The following AUTS2 variants were observed in gnomAD, a reference collection of about 807,000 sequenced individuals.
AUTS2 encodes activator of transcription and developmental regulator AUTS2.
A neutral mutation model predicts 112.4 loss-of-function variants in AUTS2; 17 were observed. The observed-to-expected ratio is 0.15, with a 90% CI of 0.10 to 0.23. AUTS2 has a LOEUF of 0.23. Among genes scored for constraint, AUTS2 ranks in the 10% least tolerant of loss-of-function variants. AUTS2 has a pLI of 1.00. For missense variants in AUTS2, 1,510 were observed against 1,701.6 expected (o/e 0.89, Z 1.98); for synonymous variants, 751 against 702.7 (o/e 1.07, Z -1.09).
chr7:70,078,344 AATTTCAT>A (rs1488533225), intron 2 of AUTS2, among the ~76,000 whole-genome samples: 7 of 152,138 alleles, frequency 4.6e-5, no homozygotes, highest in Non-Finnish European at 7.4e-5. Context: ...ACAACGTGAG[AATTTCAT>A]CTTGCAACTC....
intron 6 of AUTS2, among the ~76,000 whole-genome samples, chr7:70,733,527 A>C (rs1017341493): frequency 6.9e-6 from 1 of 145,316 alleles, no homozygotes; most frequent in Non-Finnish European, 1.5e-5. Flanking sequence ...TCCCACCTGT[A>C]CTCTCACCAC....
chr7:69,969,790 C>T (rs1356916504), intron 2 of AUTS2, among the ~76,000 whole-genome samples: 1 of 152,128 alleles, frequency 6.6e-6, no homozygotes, highest in African/African-American at 2.4e-5. Context: ...CAACTACTGA[C>T]CATTTTGATT....
chr7:70,727,812 A>G (rs796581351), intron 6 of AUTS2, among the ~76,000 whole-genome samples: 31 of 152,382 alleles, frequency 2.0e-4, no homozygotes, highest in African/African-American at 7.2e-4. Flanking sequence ...ACTCCTGGGC[A>G]GAAGTCTTCT....
At chr7:69,909,915 G>C (rs1036868949) in intron 2 of AUTS2, among the ~76,000 whole-genome samples, 4 of 152,084 alleles carry the variant, frequency 2.6e-5, no homozygotes, top group African/African-American at 9.7e-5. Context: ...TATTAATAAT[G>C]ACTTTTGATT....
chr7:70,096,757 CAGA>C (rs1034151749), intron 2 of AUTS2, among the ~76,000 whole-genome samples: 2 of 151,944 alleles, frequency 1.3e-5, no homozygotes, highest in African/African-American at 2.4e-5. Flanking sequence ...TCCGAAAATT[CAGA>C]AGGAGGATAA....
intron 2 of AUTS2, among the ~76,000 whole-genome samples, chr7:69,925,058 A>G (rs1293693388): frequency 6.6e-6 from 1 of 152,138 alleles, no homozygotes; most frequent in African/African-American, 2.4e-5. Context: ...TGTTGAATTT[A>G]TTGGCATAAA....
chr7:70,068,754 G>A (rs1802616062), intron 2 of AUTS2, among the ~76,000 whole-genome samples: 1 of 152,168 alleles, frequency 6.6e-6, no homozygotes, highest in Admixed American at 6.5e-5. Flanking sequence ...CAGATCTTTG[G>A]CTGACATGTT....
chr7:70,513,666 CTTTTT>C (rs35815016), intron 5 of AUTS2, among the ~76,000 whole-genome samples: 2 of 140,424 alleles, frequency 1.4e-5, no homozygotes, highest in African/African-American at 2.6e-5. Context: ...TTTCTGTTTC[CTTTTT>C]TTTTTTTTTT....
intron 4 of AUTS2, among the ~76,000 whole-genome samples, chr7:70,388,919 A>G (rs1200366432): frequency 6.6e-6 from 1 of 152,170 alleles, no homozygotes; most frequent in African/African-American, 2.4e-5. Context: ...TTCAAACTCA[A>G]TGAGGAGATA....
intron 5 of AUTS2, among the ~76,000 whole-genome samples, chr7:70,490,835 C>A (rs976092176): frequency 6.6e-6 from 1 of 152,200 alleles, no homozygotes; most frequent in African/African-American, 2.4e-5. Flanking sequence ...ATGATATCAT[C>A]CTTTCCACAG....
At chr7:70,038,795 G>A (rs1421852868) in intron 2 of AUTS2, among the ~76,000 whole-genome samples, 3 of 152,044 alleles carry the variant, frequency 2.0e-5, no homozygotes, top group Non-Finnish European at 4.4e-5. Flanking sequence ...TTTTGAAACG[G>A]AGTCTCACCC....
At chr7:69,753,768 A>C (rs1361267713) in intron 1 of AUTS2, among the ~76,000 whole-genome samples, 7 of 152,104 alleles carry the variant, frequency 4.6e-5, no homozygotes, top group African/African-American at 1.2e-4. Context: ...ATTTGTATCC[A>C]CTCTGGAGCT....
chr7:70,527,620 G>C (rs2129496634), intron 5 of AUTS2, among the ~76,000 whole-genome samples: 1 of 152,060 alleles, frequency 6.6e-6, no homozygotes, highest in South Asian at 2.1e-4. Flanking sequence ...CTTTTCCTTT[G>C]TTAAAAAGGG....
At chr7:69,789,297 C>A (rs1161974024) in intron 1 of AUTS2, among the ~76,000 whole-genome samples, 1 of 152,120 alleles carries the variant, frequency 6.6e-6, no homozygotes, top group East Asian at 1.9e-4. Context: ...TGCATCCAGA[C>A]CAATTCAGTC....
intron 4 of AUTS2, among the ~76,000 whole-genome samples, chr7:70,313,504 C>G (rs1222422256): frequency 6.6e-6 from 1 of 152,184 alleles, no homozygotes; most frequent in Non-Finnish European, 1.5e-5. Flanking sequence ...TGGCACTGGT[C>G]ATTCAGTTGT....
chr7:70,612,239 TG>T (rs1804131472), intron 5 of AUTS2, among the ~76,000 whole-genome samples: 1 of 152,220 alleles, frequency 6.6e-6, no homozygotes, highest in Non-Finnish European at 1.5e-5. Context: ...GCATCAGAAT[TG>T]ACTGTTTAAT....
At chr7:70,670,857 C>G (rs1280394354) in intron 5 of AUTS2, among the ~76,000 whole-genome samples, 1 of 152,116 alleles carries the variant, frequency 6.6e-6, no homozygotes, top group African/African-American at 2.4e-5. Flanking sequence ...CAGTAGCCAC[C>G]CTGAAGGGGC....
At chr7:70,424,548 G>A (rs1329588138) in intron 4 of AUTS2, among the ~76,000 whole-genome samples, 1 of 152,034 alleles carries the variant, frequency 6.6e-6, no homozygotes, top group Non-Finnish European at 1.5e-5. Context: ...TTCTAGAGCT[G>A]TTGTCAGGAT....
chr7:70,486,902 C>CG (rs934189376), intron 5 of AUTS2, among the ~76,000 whole-genome samples: 5 of 115,482 alleles, frequency 4.3e-5, no homozygotes, highest in African/African-American at 1.5e-4. Context: ...TGTATTCCCC[C>CG]CCCCCCAAAA....
Sources: gnomAD v4.1 joint callset for allele counts (sites outside exome capture counted in the v4.1 genomes callset) on GRCh38, gnomAD v4.1.1 for gene constraint, MANE v1.5 for transcripts, NCBI Gene and HGNC (gene_info 2026-07-23, HGNC 2026-07-21) for gene names.